MAP7D2: variants seen among roughly 807,000 people sequenced by gnomAD.
MAP7D2 encodes MAP7 domain-containing protein 2.
In MAP7D2, 33 loss-of-function variants were observed where a neutral mutation model predicts 63.5. The ratio of observed to expected loss-of-function variants is 0.52; its 90% confidence interval spans 0.39 to 0.70. The LOEUF is 0.70. Among genes scored for constraint, MAP7D2 ranks in the 30% least tolerant of loss-of-function variants. MAP7D2 has a pLI of 0.00. For missense variants in MAP7D2, 626 were observed against 604.0 expected (o/e 1.04, Z -0.38); for synonymous variants, 224 against 223.7 (o/e 1.00, Z -0.01).
rs1443325674 is a variant in MAP7D2 at position 20,044,450 on chromosome X, T to C, written c.793A>G (p.Ile265Val). 1.7e-6 allele frequency: 2 copies of C among 1,210,564 alleles called. No homozygotes were observed. Among genetic ancestry groups the C allele is most frequent in the East Asian group, 3.0e-5 (1 of 33,837 alleles). The change falls in exon 7 of 17, where the codon ATT (isoleucine) becomes GTT (valine). Residue 265 changes from isoleucine to valine, a missense_variant. Physicochemically the swap from Ile to Val is conservative, Grantham distance 29. Transcript: ENST00000379643. ...GTAGATGTAGCTTTCTTCTTCTCAA[T>C]GTTTCGAGTGGGTGAAGACTTGTAA... is the stretch of plus-strand genomic sequence containing the variant. The part of the protein sequence containing the change: ...PSYKSSPTRN[I>V]EKKKATSTST...
At position 20,058,727 on chromosome X, in the gene MAP7D2, T is replaced by C. The variant is rs367770383; in HGVS notation, c.373-1936A>G. Among the ~76,000 whole-genome samples the C allele has an allele frequency of 7.1e-5, 8 of 112,233 alleles. No individual in the cohort carries two copies. In the East Asian group the frequency reaches 2.2e-3, roughly 31 times the overall value. On this transcript the variant is annotated intron_variant, in intron 3 of 16. Coordinates refer to ENST00000379643, the MANE Select transcript of MAP7D2 (RefSeq NM_001168465.2). Reference sequence around the variant, plus strand: ...GAGAGAAAGACACACTCACTTTGTATCACCCACTTTTGGAGAGATGATGAG... The same window carrying C: ...GAGAGAAAGACACACTCACTTTGTACCACCCACTTTTGGAGAGATGATGAG...
At chrX:20,113,143 G>A (rs1171346577) in intron 1 of MAP7D2, among the ~76,000 whole-genome samples, 5 of 111,810 alleles carry the variant, frequency 4.5e-5, no homozygotes, top group African/African-American at 1.3e-4. Flanking sequence ...AAAAAGCCAG[G>A]AGCCACAAAC....
chrX:20,077,163 C>A (rs889578823), intron 1 of MAP7D2, among the ~76,000 whole-genome samples: 2 of 112,001 alleles, frequency 1.8e-5, no homozygotes, highest in African/African-American at 6.5e-5. Context: ...GAAGGTACAA[C>A]AGGAGTTCTA....
At chrX:20,039,526 A>C (rs2064591874) in intron 8 of MAP7D2, among the ~76,000 whole-genome samples, 1 of 111,862 alleles carries the variant, frequency 8.9e-6, no homozygotes, top group Admixed American at 9.5e-5. Flanking sequence ...CAAGTCGACA[A>C]GAGGTGGACT....
At chrX:20,030,236 C>T (rs894946420) in intron 8 of MAP7D2, among the ~76,000 whole-genome samples, 1 of 112,035 alleles carries the variant, frequency 8.9e-6, no homozygotes, top group Admixed American at 9.5e-5. Context: ...CCATATTTTA[C>T]AGAAGAAAAC....
At chrX:20,100,752 T>G (rs983163421) in intron 1 of MAP7D2, among the ~76,000 whole-genome samples, 3 of 111,457 alleles carry the variant, frequency 2.7e-5, no homozygotes, top group African/African-American at 9.8e-5. Context: ...CCGGGCGTGG[T>G]GGCTCAAGTC....
chrX:20,098,143 C>G (rs2066322551), intron 1 of MAP7D2, among the ~76,000 whole-genome samples: 1 of 111,932 alleles, frequency 8.9e-6, no homozygotes, highest in Non-Finnish European at 1.9e-5. Context: ...TAACAGAGTA[C>G]TACCTCTGTG....
Position 20,007,591 on chromosome X carries a change from A to C in MAP7D2, c.*834T>G, listed in dbSNP as rs2073047631. ...AAACTCCCAAGATCCAATAGAAAAA[A>C]AATTAGCAAGAACATTGAAAACCAA... On this transcript the variant is annotated 3_prime_UTR_variant, in exon 17 of 17. Coordinates refer to ENST00000379643, the MANE Select transcript of MAP7D2 (RefSeq NM_001168465.2). 4 of 111,696 alleles carry C rather than the reference A, an allele frequency of 3.6e-5. No homozygotes were observed. The highest frequency in any genetic ancestry group is 9.6e-5 in the Admixed American group (1 of 10,433). The allele number at this position is 111,696 out of a possible 1,213,427, so 9.2% of individuals were successfully genotyped here. A position where few individuals can be genotyped will look rare whatever the true frequency, so the allele number is the denominator to read the frequency against.
chrX:20,095,784 T>C (rs1010152983), intron 1 of MAP7D2, among the ~76,000 whole-genome samples: 4 of 111,339 alleles, frequency 3.6e-5, no homozygotes, highest in Non-Finnish European at 7.5e-5. Flanking sequence ...TATTTGGCCT[T>C]AAAAAGAAAA....
intron 3 of MAP7D2, among the ~76,000 whole-genome samples, chrX:20,060,434 GAA>G (rs766901478): frequency 0.16 from 3,528 of 21,962 alleles, 75 homozygotes; most frequent in South Asian, 0.4. Flanking sequence ...GAGAGAGAGA[GAA>G]AGAAAGAAAG....
chrX:20,052,797 G>C (rs2064981931), intron 5 of MAP7D2, 81 bp downstream of exon 5: 1 of 743,172 alleles, frequency 1.3e-6, no homozygotes, highest in Non-Finnish European at 2.1e-6. Flanking sequence ...CTCAAGAGGA[G>C]ACTCTCACAA....
intron 6 of MAP7D2, among the ~76,000 whole-genome samples, chrX:20,047,788 C>T (rs1374626704): frequency 9.2e-6 from 1 of 108,930 alleles, no homozygotes; most frequent in Non-Finnish European, 1.9e-5. Context: ...TGCACTCCAG[C>T]GTGGCTAAGA....
intron 5 of MAP7D2, 105 bp downstream of exon 5, chrX:20,052,773 G>GT (rs2064981186): frequency 1.6e-6 from 1 of 606,727 alleles, no homozygotes; most frequent in Non-Finnish European, 2.8e-6. Flanking sequence ...GACAATGACG[G>GT]TATCTGCAGA....
At chrX:20,107,718 G>C (rs2066610907) in intron 1 of MAP7D2, among the ~76,000 whole-genome samples, 1 of 111,532 alleles carries the variant, frequency 9.0e-6, no homozygotes, top group Non-Finnish European at 1.9e-5. Flanking sequence ...TATGTGGCTA[G>C]CATTCTGTTT....
At position 20,013,226 on chromosome X, in the gene MAP7D2, T is replaced by C. The variant is rs2073263083; in HGVS notation, c.1807-94A>G. On this transcript the variant is annotated intron_variant, in intron 13 of 16. Transcript: ENST00000379643. The stretch of plus-strand genomic sequence containing the variant: ...AAAGCATCCGATGATATTTTGAGCC[T>C]GGACCATCTGCCTGTTCTGTGGTAA... The C allele has an allele frequency of 9.7e-6, 6 of 618,738 alleles. No homozygotes were observed. In the South Asian group the frequency reaches 1.6e-4, roughly 16 times the overall value. The allele number at this position is 618,738 out of a possible 1,213,427, so 51.0% of individuals were successfully genotyped here.
Position 20,012,292 on chromosome X carries a change from A to C in MAP7D2, c.2072+57T>G, listed in dbSNP as rs928506832. 8.6e-6 allele frequency: 8 copies of C among 935,654 alleles called. No individual in the cohort carries two copies. In the African/African-American group the frequency reaches 1.2e-4, roughly 14 times the overall value. 77.1% of individuals were successfully genotyped at this position (935,654 alleles called of 1,213,427 possible). A position where few individuals can be genotyped will look rare whatever the true frequency, so the allele number is the denominator to read the frequency against. Reference sequence around the variant, plus strand: ...ATAAAAGACGAAGAAACCAACTAAAAGAAAGGGTAGTGTTTCGAGAAGTGA... The same window carrying C: ...ATAAAAGACGAAGAAACCAACTAAACGAAAGGGTAGTGTTTCGAGAAGTGA... On this transcript the variant is annotated intron_variant, in intron 15 of 16. Transcript: ENST00000379643.
intron 4 of MAP7D2, among the ~76,000 whole-genome samples, chrX:20,055,046 T>C (rs767848648): frequency 1.7e-4 from 19 of 109,203 alleles, no homozygotes; most frequent in Non-Finnish European, 3.4e-4. Flanking sequence ...ACCTTCCGCA[T>C]TGTTGGTAAA....
chrX:20,045,801 A>T (rs768524775), intron 6 of MAP7D2, among the ~76,000 whole-genome samples: 3 of 111,453 alleles, frequency 2.7e-5, no homozygotes, highest in South Asian at 7.6e-4. Context: ...GGTATAAAAC[A>T]GCAGCTGAGC....
In MAP7D2 at chrX:20,025,708, C is replaced by T. The variant is rs1259584502; in HGVS notation, c.1252G>A (p.Ala418Thr). Residue 418 changes from alanine (A) to threonine (T), a missense_variant, in exon 9 of 17, where the codon GCA becomes ACA. Ala to Thr is a moderately conservative substitution (Grantham distance 58). Transcript: ENST00000379643. The stretch of plus-strand genomic sequence containing the variant: ...GCGCTGTTTTCGGCTTTCCCTCCTG[C>T]GGCAGCAGCATGCTTCTCGCTGGCA... ...KHASEKHAAA[A>T]GGKAENSAAL... 1.1e-5 allele frequency: 13 copies of T among 1,210,274 alleles called. No homozygotes were observed. The Middle Eastern group carries it at 1.1e-3, about 106-fold the overall frequency.
Sources: gnomAD v4.1 joint callset for allele counts (sites outside exome capture counted in the v4.1 genomes callset) on GRCh38, gnomAD v4.1.1 for gene constraint, MANE v1.5 for transcripts, NCBI Gene and HGNC (gene_info 2026-07-23, HGNC 2026-07-21) for gene names.